The following GABRB3 variants were observed in gnomAD, a reference collection of about 807,000 sequenced individuals.
GABRB3 encodes gamma-aminobutyric acid type A receptor subunit beta3, also known as gamma-aminobutyric acid receptor subunit beta-3.
In GABRB3, 14 loss-of-function variants were observed where a neutral mutation model predicts 52.1. That is an observed-to-expected ratio of 0.27 (90% CI 0.18 to 0.42). The LOEUF is 0.42. Ranked by LOEUF, GABRB3 falls within the 10% of genes least tolerant of loss-of-function variation. The pLI, the probability that GABRB3 is intolerant of heterozygous loss-of-function variation, is 1.00. For synonymous variants in GABRB3, 260 were observed against 232.3 expected (o/e 1.12, Z -1.08); for missense variants, 307 against 609.1 (o/e 0.50, Z 5.22).
intron 3 of GABRB3, among the ~76,000 whole-genome samples, chr15:26,669,909 CCACTG>C (rs919005222): frequency 3.9e-4 from 59 of 152,206 alleles, no homozygotes; most frequent in African/African-American, 1.4e-3. Context: ...GGATTGGGTG[CCACTG>C]CCTTTTGGGC....
chr15:26,556,893 T>C (rs537553470), intron 8 of GABRB3, among the ~76,000 whole-genome samples: 1 of 152,096 alleles, frequency 6.6e-6, no homozygotes, highest in South Asian at 2.1e-4. Flanking sequence ...ACAAGCCAAG[T>C]CCCTGCTGTG....
At chr15:26,674,400 CAAAAAAAAAAA>C (rs55723767) in intron 3 of GABRB3, among the ~76,000 whole-genome samples, 5 of 86,788 alleles carry the variant, frequency 5.8e-5, no homozygotes, top group African/African-American at 1.9e-4. Context: ...GACTCAGTTT[CAAAAAAAAAAA>C]AAAAAAAAAA....
chr15:26,763,202 ATAGCTTTG>A (rs1389510376), intron 3 of GABRB3, among the ~76,000 whole-genome samples: 2 of 152,180 alleles, frequency 1.3e-5, no homozygotes, highest in African/African-American at 4.8e-5. Context: ...TTCTTGGCCT[ATAGCTTTG>A]GAACCACTGG....
At position 26,737,196 on chromosome 15, in the gene GABRB3, G is replaced by A. The variant is rs28675886; in HGVS notation, c.240+35206C>T. On this transcript the variant is annotated intron_variant, in intron 3 of 8. Coordinates refer to ENST00000311550, the MANE Select transcript of GABRB3 (RefSeq NM_000814.6). Reference sequence around the variant, plus strand: ...AGTGGTCCCTGTCTGTGTGATTCTGGTGCATGCTTCAAAAGGCTGGGACCT... The same window carrying A: ...AGTGGTCCCTGTCTGTGTGATTCTGATGCATGCTTCAAAAGGCTGGGACCT... Among the ~76,000 whole-genome samples the A allele has an allele frequency of 6.7e-3, 1,013 of 152,268 alleles. 6 individuals carry two copies. Among genetic ancestry groups the A allele is most frequent in the African/African-American group, 0.023 (961 of 41,566 alleles).
intron 3 of GABRB3, among the ~76,000 whole-genome samples, chr15:26,761,824 T>A (rs1223084188): frequency 1.3e-5 from 2 of 152,016 alleles, no homozygotes; most frequent in Admixed American, 1.3e-4. Context: ...CACACCTCTA[T>A]CCCTCTTATT....
Position 26,772,482 on chromosome 15 carries a change from C to G in GABRB3, c.173-13G>C, listed in dbSNP as rs371144939. 3.2e-5 allele frequency: 52 copies of G among 1,609,164 alleles called. No homozygotes were observed. The East Asian group carries it at 5.2e-4, about 16-fold the overall frequency. ...CAGACCGGGGGACCTGCGGGAAGCA[C>G]AGGACACGGCGATCAGCCCAGCTCC... On this transcript the variant is annotated splice_polypyrimidine_tract_variant and intron_variant, in intron 2 of 8. Coordinates refer to ENST00000311550, the MANE Select transcript of GABRB3 (RefSeq NM_000814.6).
intron 4 of GABRB3, among the ~76,000 whole-genome samples, chr15:26,605,744 T>C (rs1891764028): frequency 1.3e-5 from 2 of 152,122 alleles, no homozygotes; most frequent in African/African-American, 4.8e-5. Context: ...CTCACGGAGA[T>C]AGAGACTAGA....
chr15:26,602,953 T>C (rs1199671775), intron 4 of GABRB3, among the ~76,000 whole-genome samples: 1 of 151,386 alleles, frequency 6.6e-6, no homozygotes, highest in Non-Finnish European at 1.5e-5. Flanking sequence ...AAGAAAGCAA[T>C]ACAAAAGTTC....
intron 8 of GABRB3, among the ~76,000 whole-genome samples, chr15:26,549,473 C>A (rs1425148055): frequency 1.3e-5 from 2 of 152,120 alleles, no homozygotes; most frequent in Non-Finnish European, 2.9e-5. Context: ...TTCTGGGTCA[C>A]TTCATTATGC....
chr15:26,745,336 T>TA (rs1231667633), intron 3 of GABRB3, among the ~76,000 whole-genome samples: 2 of 152,052 alleles, frequency 1.3e-5, no homozygotes, highest in African/African-American at 4.8e-5. Flanking sequence ...TAAGAAGTTG[T>TA]AAAAAAAATT....
rs538743403 is a variant in GABRB3 at position 26,627,147 on chromosome 15, A to T, written c.241-5613T>A. Among the ~76,000 whole-genome samples the T allele has an allele frequency of 3.6e-3, 544 of 151,790 alleles. 4 individuals are homozygous for T. Among genetic ancestry groups the T allele is most frequent in the African/African-American group, 0.013 (524 of 41,376 alleles). ...TATGCTCAAAAAATCCAACAATAAA[A>T]CCTGGGTGTCAACACGTTTACAAAA... On this transcript the variant is annotated intron_variant, in intron 3 of 8. Transcript: ENST00000311550.
chr15:26,685,071 T>C (rs771943728), intron 3 of GABRB3, among the ~76,000 whole-genome samples: 4 of 152,316 alleles, frequency 2.6e-5, no homozygotes, highest in Non-Finnish European at 4.4e-5. Flanking sequence ...CCTCCTTTTC[T>C]CAGGGGTCAG....
chr15:26,772,455 C>T lies in GABRB3; in HGVS notation c.187G>A (p.Val63Met). 1 of 1,610,852 alleles carries T rather than the reference C, an allele frequency of 6.2e-7. No homozygotes were observed. Among genetic ancestry groups the T allele is most frequent in the Non-Finnish European group, 8.5e-7 (1 of 1,178,510 alleles). ...RPDFGGPPVC[V>M]GMNIDIASID... ...CTGGCGATGTCGATGTTCATCCCCA[C>T]GCAGACCGGGGGACCTGCGGGAAGC... The change falls in exon 3 of 9, where the codon GTG (valine) becomes ATG (methionine). Residue 63 changes from valine to methionine, a missense_variant. By Grantham distance (21) the Val-to-Met change is conservative (BLOSUM62 1). Transcript: ENST00000311550.
At chr15:26,675,856 G>A (rs1380938660) in intron 3 of GABRB3, among the ~76,000 whole-genome samples, 4 of 152,140 alleles carry the variant, frequency 2.6e-5, no homozygotes, top group Admixed American at 6.5e-5. Context: ...AACAGATACC[G>A]AAGACAGTCA....
chr15:26,772,799 A>G, intron 1 of GABRB3, 27 bp from the exon 2 acceptor site: 1 of 1,496,728 alleles, frequency 6.7e-7, no homozygotes, highest in Non-Finnish European at 9.0e-7. Context: ...GAGCACAAAG[A>G]GCGGGGTCAG....
intron 3 of GABRB3, among the ~76,000 whole-genome samples, chr15:26,732,116 GGACA>G (rs1376633846): frequency 6.6e-5 from 10 of 151,690 alleles, no homozygotes; most frequent in Non-Finnish European, 1.5e-4. Context: ...ATAGATGGAT[GGACA>G]GACAGATGGA....
At chr15:26,716,738 G>C (rs963790767) in intron 3 of GABRB3, 3 of 1,040,778 alleles carry the variant, frequency 2.9e-6, no homozygotes, top group Non-Finnish European at 3.5e-6. Flanking sequence ...CAGCTCACAT[G>C]GCATATATCC....
At chr15:26,568,701 G>T (rs1660640025) in intron 6 of GABRB3, among the ~76,000 whole-genome samples, 1 of 95,740 alleles carries the variant, frequency 1.0e-5, no homozygotes, top group South Asian at 4.4e-4. Context: ...ATGTTTAGTA[G>T]AGACAGGGTT....
intron 3 of GABRB3, among the ~76,000 whole-genome samples, chr15:26,756,109 T>C (rs970668895): frequency 6.6e-6 from 1 of 152,116 alleles, no homozygotes; most frequent in Non-Finnish European, 1.5e-5. Context: ...CTAAAAGAAA[T>C]ACATCCAAAT....
Sources: gnomAD v4.1 joint callset for allele counts (sites outside exome capture counted in the v4.1 genomes callset) on GRCh38, gnomAD v4.1.1 for gene constraint, MANE v1.5 for transcripts, NCBI Gene and HGNC (gene_info 2026-07-23, HGNC 2026-07-21) for gene names.